Variants in FGGY observed in about 807,000 individuals in gnomAD.
The protein encoded by FGGY is FGGY carbohydrate kinase domain containing, also known as FGGY carbohydrate kinase domain-containing protein.
FGGY carries 72 observed loss-of-function variants against 71.3 expected under a neutral mutation model. That is an observed-to-expected ratio of 1.01 (90% confidence interval 0.84 to 1.23). The LOEUF (loss-of-function observed/expected upper bound fraction) is 1.23, where lower values mean the gene tolerates loss of function less well. Ranked by LOEUF, FGGY falls within the 50% of genes most tolerant of loss-of-function variation. The pLI is 0.00. For synonymous variants in FGGY, 251 were observed against 250.3 expected, an observed-to-expected ratio of 1.00 and a Z score of -0.02; for missense variants, 668 against 682.3, an observed-to-expected ratio of 0.98 and a Z score of 0.23.
intron 4 of FGGY, among the ~76,000 whole-genome samples, chr1:59,374,135 A>G (rs1159285326): frequency 1.3e-5 from 2 of 152,214 alleles, no homozygotes; most frequent in Non-Finnish European, 2.9e-5. Flanking sequence ...AATGGCAGAA[A>G]ATTTTCACAA....
chr1:59,375,188 G>T (rs191596181), intron 4 of FGGY, among the ~76,000 whole-genome samples: 5 of 149,502 alleles, frequency 3.3e-5, no homozygotes, highest in African/African-American at 9.8e-5. Flanking sequence ...TGAACCCGGG[G>T]TGCAGAGGTT....
At chr1:59,652,089 C>A (rs1355231211) in intron 11 of FGGY, among the ~76,000 whole-genome samples, 2 of 152,114 alleles carry the variant, frequency 1.3e-5, no homozygotes, top group East Asian at 3.9e-4. Flanking sequence ...CCCCCACTCT[C>A]TTCTGGCTTG....
chr1:59,660,146 T>C (rs1277271775), intron 11 of FGGY, 73 bp from the exon 12 acceptor site: 2 of 1,349,706 alleles, frequency 1.5e-6, no homozygotes, highest in South Asian at 1.2e-5. Context: ...CTGAACGTAT[T>C]TCATGGGAAC....
At chr1:59,568,492 TC>T (rs1472991613) in intron 8 of FGGY, among the ~76,000 whole-genome samples, 1 of 150,382 alleles carries the variant, frequency 6.6e-6, no homozygotes, top group Non-Finnish European at 1.5e-5. Context: ...TTGTATTACA[TC>T]CCCCCAGTGT....
At chr1:59,634,760 G>A (rs936032847) in intron 10 of FGGY, among the ~76,000 whole-genome samples, 3 of 152,116 alleles carry the variant, frequency 2.0e-5, no homozygotes, top group African/African-American at 4.8e-5. Context: ...TGATAAACCT[G>A]TCATTTTATA....
At chr1:59,576,655 CAGACA>C (rs1427044439) in intron 8 of FGGY, among the ~76,000 whole-genome samples, 13 of 139,534 alleles carry the variant, frequency 9.3e-5, no homozygotes, top group African/African-American at 2.6e-4. Context: ...CTAGAGATTA[CAGACA>C]GACAGACAGA....
At chr1:59,718,502 C>T (rs1027033871) in intron 14 of FGGY, among the ~76,000 whole-genome samples, 3 of 152,160 alleles carry the variant, frequency 2.0e-5, no homozygotes, top group Non-Finnish European at 4.4e-5. Context: ...GAGGGTGGCT[C>T]TCTACAAATG....
At chr1:59,447,739 C>G (rs1045357652) in intron 5 of FGGY, among the ~76,000 whole-genome samples, 1 of 152,180 alleles carries the variant, frequency 6.6e-6, no homozygotes, top group African/African-American at 2.4e-5. Context: ...ATAAGACGTG[C>G]CTTTTACCTT....
At chr1:59,430,433 A>T (rs1297492901) in intron 5 of FGGY, among the ~76,000 whole-genome samples, 1 of 152,088 alleles carries the variant, frequency 6.6e-6, no homozygotes, top group African/African-American at 2.4e-5. Flanking sequence ...TTCATATTAC[A>T]CTGGAAGACA....
chr1:59,397,204 T>C (rs1305546221), intron 5 of FGGY, among the ~76,000 whole-genome samples: 1 of 152,202 alleles, frequency 6.6e-6, no homozygotes, highest in East Asian at 1.9e-4. Flanking sequence ...CTTCTATTAA[T>C]AAAGACAAAT....
At chr1:59,313,497 A>G (rs1450286026) in intron 1 of FGGY, among the ~76,000 whole-genome samples, 7 of 152,162 alleles carry the variant, frequency 4.6e-5, no homozygotes, top group Non-Finnish European at 7.3e-5. Context: ...GGTGTCAGCA[A>G]TTGCAAAAAT....
intron 14 of FGGY, among the ~76,000 whole-genome samples, chr1:59,745,878 C>T (rs2098192503): frequency 6.6e-6 from 1 of 152,086 alleles, no homozygotes; most frequent in Admixed American, 6.5e-5. Context: ...TGATAGAGTA[C>T]ATGAGAGAAT....
chr1:59,762,176 G>A (rs1377781512), intron 15 of FGGY, among the ~76,000 whole-genome samples: 2 of 151,200 alleles, frequency 1.3e-5, no homozygotes, highest in African/African-American at 4.9e-5. Flanking sequence ...TGCAACCTCC[G>A]CCCCCCGGGT....
At chr1:59,589,882 A>C (rs924967867) in intron 8 of FGGY, among the ~76,000 whole-genome samples, 3 of 152,272 alleles carry the variant, frequency 2.0e-5, no homozygotes, top group South Asian at 4.1e-4. Context: ...AAAGAACTAG[A>C]GAAGCAAGAG....
intron 12 of FGGY, among the ~76,000 whole-genome samples, chr1:59,660,745 A>G (rs2097266654): frequency 6.6e-6 from 1 of 152,248 alleles, no homozygotes. Flanking sequence ...TTAGCTGCTT[A>G]AGTGAGGTTA....
rs555872417 is a variant in FGGY, at chr1:59,689,909, C to A, written c.1512+15776C>A. 6.6e-5 allele frequency among the ~76,000 whole-genome samples: 10 copies of A among 152,286 alleles called. No homozygotes were observed. In the South Asian group the frequency reaches 2.1e-3, roughly 32 times the overall value. On this transcript the variant is annotated intron_variant, in intron 14 of 15. Coordinates refer to ENST00000303721, the MANE Select transcript of FGGY (RefSeq NM_018291.5). ...CCCCAACCCCTCCCTGACACCTGGG[C>A]CTAGAGGAGCCTGTGTGTTGGATAG... is the stretch of plus-strand genomic sequence containing the variant.
At chr1:59,389,721 TTCCTCCACA>T (rs1435767965) in intron 5 of FGGY, among the ~76,000 whole-genome samples, 1 of 152,182 alleles carries the variant, frequency 6.6e-6, no homozygotes, top group African/African-American at 2.4e-5. Flanking sequence ...AAAGTTCTAA[TTCCTCCACA>T]TCCTCCCCAG....
At chr1:59,614,323 G>T (rs570779736) in intron 9 of FGGY, among the ~76,000 whole-genome samples, 1 of 152,198 alleles carries the variant, frequency 6.6e-6, no homozygotes, top group African/African-American at 2.4e-5. Flanking sequence ...CTTCATCCCT[G>T]GGATGCAAGA....
chr1:59,319,538 G>A (rs1225269845), intron 1 of FGGY, among the ~76,000 whole-genome samples: 1 of 152,180 alleles, frequency 6.6e-6, no homozygotes, highest in Non-Finnish European at 1.5e-5. Context: ...AGAAAGGGAA[G>A]GAAGCCTTTT....
Sources: allele counts gnomAD v4.1 joint callset (sites outside exome capture counted in the v4.1 genomes callset), GRCh38; gene constraint gnomAD v4.1.1; transcripts MANE v1.5; gene names NCBI Gene and HGNC (gene_info 2026-07-23, HGNC 2026-07-21).